MYO16: variants seen among roughly 807,000 people sequenced by gnomAD.
MYO16 encodes myosin XVI.
MYO16 carries 94 observed loss-of-function variants against 205.3 expected under a neutral mutation model. The observed-to-expected ratio is 0.46, with a 90% confidence interval of 0.39 to 0.54. The LOEUF (loss-of-function observed/expected upper bound fraction) is 0.54. MYO16 is among the 20% of genes least tolerant of loss of function. MYO16 has a pLI of 0.00. For missense variants in MYO16, 2,315 were observed against 2,387.5 expected (o/e 0.97, Z 0.63); for synonymous variants, 988 against 954.0 (o/e 1.04, Z -0.66).
At chr13:108,682,469 G>A (rs768504522) in intron 2 of MYO16, among the ~76,000 whole-genome samples, 1 of 151,888 alleles carries the variant, frequency 6.6e-6, no homozygotes, top group Non-Finnish European at 1.5e-5. Context: ...TGTAGTCAGA[G>A]CCGCGGGCAC....
At chr13:108,730,506 T>G (rs190981096) in intron 4 of MYO16, among the ~76,000 whole-genome samples, 1 of 152,276 alleles carries the variant, frequency 6.6e-6, no homozygotes, top group African/African-American at 2.4e-5. Context: ...GAAGGAGGCA[T>G]GTTTATAACC....
At chr13:108,851,806 G>C (rs1877884833) in intron 10 of MYO16, among the ~76,000 whole-genome samples, 1 of 152,060 alleles carries the variant, frequency 6.6e-6, no homozygotes, top group African/African-American at 2.4e-5. Flanking sequence ...TGTCATCTTA[G>C]CACCGTGAAA....
In MYO16 at chr13:108,845,467, G is replaced by T. The variant is rs543978105; in HGVS notation, c.1248+974G>T. The stretch of plus-strand genomic sequence containing the variant: ...TCCCACTGCTGTGTCCTTGCAGGGC[G>T]GACAGCAGGAGGCAGGGAAAATGGG... On this transcript the variant is annotated intron_variant, in intron 10 of 34. Coordinates refer to ENST00000457511, the MANE Select transcript of MYO16 (RefSeq NM_001198950.3). 3.3e-5 allele frequency among the ~76,000 whole-genome samples: 5 copies of T among 152,154 alleles called. No homozygotes were observed. The South Asian group carries it at 6.2e-4, about 19-fold the overall frequency.
chr13:108,720,531 A>G (rs1884122853), intron 3 of MYO16, among the ~76,000 whole-genome samples: 1 of 152,102 alleles, frequency 6.6e-6, no homozygotes, highest in African/African-American at 2.4e-5. Flanking sequence ...TGTGCACCTC[A>G]CGTCACTTCT....
chr13:108,967,093 C>T (rs1883822280), intron 20 of MYO16, among the ~76,000 whole-genome samples: 1 of 151,666 alleles, frequency 6.6e-6, no homozygotes, highest in African/African-American at 2.4e-5. Flanking sequence ...ATAGAATAGA[C>T]ATACTTTTCA....
chr13:108,792,238 C>A (rs78991989), intron 5 of MYO16, among the ~76,000 whole-genome samples: 2 of 152,078 alleles, frequency 1.3e-5, no homozygotes, highest in African/African-American at 4.8e-5. Flanking sequence ...CTGTGGATTC[C>A]GCACTCAATA....
intron 34 of MYO16, among the ~76,000 whole-genome samples, chr13:109,188,943 A>C (rs567130743): frequency 1.3e-5 from 2 of 152,020 alleles, no homozygotes; most frequent in African/African-American, 4.8e-5. Flanking sequence ...AAAATACAAA[A>C]GTTAGCTGGG....
chr13:109,128,301 G>A (rs998717818), intron 31 of MYO16, among the ~76,000 whole-genome samples: 4 of 152,042 alleles, frequency 2.6e-5, no homozygotes, highest in African/African-American at 9.7e-5. Flanking sequence ...TAATACAACA[G>A]TAAATACTTT....
intron 7 of MYO16, among the ~76,000 whole-genome samples, chr13:108,811,513 C>T (rs1478616621): frequency 6.7e-6 from 1 of 149,364 alleles, no homozygotes; most frequent in African/African-American, 2.4e-5. Context: ...CAGGGGCTGT[C>T]TCTTTTTTTC....
At chr13:108,669,763 G>A (rs1363035362) in intron 2 of MYO16, among the ~76,000 whole-genome samples, 1 of 152,134 alleles carries the variant, frequency 6.6e-6, no homozygotes, top group African/African-American at 2.4e-5. Flanking sequence ...ATGAGTTCAT[G>A]TCCTTTGCAG....
At chr13:108,898,266 C>G in intron 15 of MYO16, 133 bp downstream of exon 15, 1 of 702,224 alleles carries the variant, frequency 1.4e-6, no homozygotes, top group Non-Finnish European at 2.5e-6. Flanking sequence ...ATGACCGTGT[C>G]TGGAAACAGC....
At chr13:109,188,624 A>G (rs528988540) in intron 34 of MYO16, among the ~76,000 whole-genome samples, 40 of 152,348 alleles carry the variant, frequency 2.6e-4, no homozygotes, top group Non-Finnish European at 5.3e-4. Flanking sequence ...AAGTCCCACA[A>G]TAGTCCATCT....
upstream of MYO16, among the ~76,000 whole-genome samples, chr13:108,626,466 G>A (rs927083901): frequency 1.3e-5 from 2 of 152,050 alleles, no homozygotes; most frequent in African/African-American, 4.8e-5. Context: ...ATTTAATTTA[G>A]CCTTGGTCAT....
chr13:109,163,196 G>A (rs1878469393), intron 32 of MYO16, among the ~76,000 whole-genome samples: 1 of 152,210 alleles, frequency 6.6e-6, no homozygotes, highest in South Asian at 2.1e-4. Flanking sequence ...GTGCTGTAAA[G>A]GAGAGGTCCC....
chr13:109,045,028 G>A (rs933718366), intron 23 of MYO16, among the ~76,000 whole-genome samples: 2 of 152,130 alleles, frequency 1.3e-5, no homozygotes, highest in Admixed American at 6.6e-5. Flanking sequence ...TATTAACAGT[G>A]TGGTAATGCA....
intron 1 of MYO16, among the ~76,000 whole-genome samples, chr13:108,619,113 CTT>C (rs1028518776): frequency 1.3e-4 from 20 of 152,122 alleles, no homozygotes; most frequent in African/African-American, 4.3e-4. Context: ...TCATGTAAGA[CTT>C]TTATTTTGGT....
the MYO16 span, among the ~76,000 whole-genome samples, chr13:108,530,240 G>A: frequency 6.6e-6 from 1 of 152,212 alleles, no homozygotes. Context: ...CAACAGCCAT[G>A]TATCAGAGTC....
upstream of MYO16, chr13:108,629,162 T>A (rs1002965439): frequency 6.6e-6 from 1 of 152,208 alleles, no homozygotes; most frequent in African/African-American, 2.4e-5. Flanking sequence ...AGTTTTACAT[T>A]CTGCTCAGAA....
chr13:108,599,148 A>G (rs943388754), intron 1 of MYO16, among the ~76,000 whole-genome samples: 2 of 151,354 alleles, frequency 1.3e-5, no homozygotes, highest in Non-Finnish European at 2.9e-5. Flanking sequence ...AATTTCATCC[A>G]TGTCCCTACA....
Sources: gnomAD v4.1 joint callset for allele counts (sites outside exome capture counted in the v4.1 genomes callset) on GRCh38, gnomAD v4.1.1 for gene constraint, MANE v1.5 for transcripts, NCBI Gene and HGNC (gene_info 2026-07-23, HGNC 2026-07-21) for gene names.